Variants in FBXL20 observed in about 807,000 individuals in gnomAD.
FBXL20 encodes F-box/LRR-repeat protein 20.
In FBXL20, 11 loss-of-function variants were observed where a neutral mutation model predicts 64.0. That is an observed-to-expected ratio of 0.17 (90% CI 0.11 to 0.28). The LOEUF (loss-of-function observed/expected upper bound fraction) is 0.28. FBXL20 is among the 10% of genes least tolerant of loss of function. The probability of loss-of-function intolerance (pLI) is 1.00; values close to 1 mark genes in which losing one functional copy is unlikely to be tolerated. For missense variants in FBXL20, 303 were observed against 526.2 expected, an observed-to-expected ratio of 0.58 and a Z score of 4.15; for synonymous variants, 184 against 189.0, an observed-to-expected ratio of 0.97 and a Z score of 0.22.
intron 1 of FBXL20, among the ~76,000 whole-genome samples, chr17:39,391,848 A>G (rs914851901): frequency 8.6e-5 from 12 of 140,124 alleles, no homozygotes; most frequent in Admixed American, 2.1e-4. Flanking sequence ...TCTAAAAAGG[A>G]AAAAAAAAAA....
At chr17:39,327,898 G>A (rs1597799946) in intron 2 of FBXL20, among the ~76,000 whole-genome samples, 2 of 152,148 alleles carry the variant, frequency 1.3e-5, no homozygotes, top group East Asian at 3.9e-4. Context: ...TCTGTCTTAT[G>A]AGAAAGTCTA....
chr17:39,381,479 C>CAAA (rs35767863), intron 1 of FBXL20, among the ~76,000 whole-genome samples: 6 of 67,790 alleles, frequency 8.9e-5, no homozygotes, highest in African/African-American at 1.5e-4. Flanking sequence ...GACTCTGTCT[C>CAAA]AAAAAAAAAA....
At chr17:39,380,244 C>T (rs1399876183) in intron 1 of FBXL20, among the ~76,000 whole-genome samples, 1 of 152,124 alleles carries the variant, frequency 6.6e-6, no homozygotes, top group Non-Finnish European at 1.5e-5. Flanking sequence ...GAATGTATGG[C>T]TTACTTTGTA....
chr17:39,396,371 G>C (rs886640492), intron 1 of FBXL20, among the ~76,000 whole-genome samples: 2 of 151,966 alleles, frequency 1.3e-5, no homozygotes, highest in African/African-American at 2.4e-5. Context: ...TGAGATGGGT[G>C]TATCACCTGA....
intron 6 of FBXL20, among the ~76,000 whole-genome samples, chr17:39,290,026 A>T (rs1409342829): frequency 3.3e-5 from 5 of 149,280 alleles, no homozygotes; most frequent in East Asian, 3.9e-4. Context: ...AAAAAAAAAA[A>T]AATTCTATGT....
chr17:39,276,599 G>A (rs1425035497), intron 9 of FBXL20, among the ~76,000 whole-genome samples: 1 of 152,048 alleles, frequency 6.6e-6, no homozygotes, highest in African/African-American at 2.4e-5. Context: ...AACCTGGGAG[G>A]TGGAGGTTGC....
intron 1 of FBXL20, among the ~76,000 whole-genome samples, chr17:39,347,157 G>A (rs2047641623): frequency 6.6e-6 from 1 of 152,174 alleles, no homozygotes. Context: ...ACATACATGT[G>A]CATGTGTCTT....
chr17:39,310,703 AG>A (rs1328473029), intron 2 of FBXL20, among the ~76,000 whole-genome samples: 7 of 151,702 alleles, frequency 4.6e-5, no homozygotes, highest in Admixed American at 2.0e-4. Flanking sequence ...CACAAAAATT[AG>A]GCTGGGCTTG....
At chr17:39,349,551 G>T (rs907821592) in intron 1 of FBXL20, among the ~76,000 whole-genome samples, 1 of 150,892 alleles carries the variant, frequency 6.6e-6, no homozygotes, top group Admixed American at 6.6e-5. Context: ...TTACACCACT[G>T]TACTCCAGCC....
At chr17:39,394,160 T>C (rs1412924271) in intron 1 of FBXL20, among the ~76,000 whole-genome samples, 2 of 152,178 alleles carry the variant, frequency 1.3e-5, no homozygotes, top group Non-Finnish European at 2.9e-5. Flanking sequence ...TTGGTCACTT[T>C]AAGGGCTTTC....
chr17:39,265,411 G>C lies in FBXL20; in HGVS notation c.976C>G (p.Arg326Gly). 1.2e-6 allele frequency: 2 copies of C among 1,610,836 alleles called. No individual in the cohort carries two copies. The highest frequency in any genetic ancestry group is 1.7e-6 in the Non-Finnish European group (2 of 1,177,564). The stretch of plus-strand genomic sequence containing the variant: ...GTTAAACTCACCAATACTTGAAGTC[G>C]AGGACAGTGTATAGAAAGTTGGATT... ...TLIQLSIHCP[R>G]LQVLSLSHCE... Residue 326 changes from arginine (R) to glycine (G), a missense_variant, in exon 13 of 15, where the codon CGA becomes GGA. By Grantham distance (125) the Arg-to-Gly change is moderately radical (BLOSUM62 -2). Coordinates refer to ENST00000264658, the MANE Select transcript of FBXL20 (RefSeq NM_032875.3).
At chr17:39,349,477 C>T (rs1203717895) in intron 1 of FBXL20, among the ~76,000 whole-genome samples, 3 of 151,610 alleles carry the variant, frequency 2.0e-5, no homozygotes, top group Admixed American at 6.6e-5. Flanking sequence ...AATCCCGGCA[C>T]CTTGGAAGGT....
chr17:39,342,159 C>T (rs2047588906), intron 2 of FBXL20, among the ~76,000 whole-genome samples: 1 of 152,042 alleles, frequency 6.6e-6, no homozygotes, highest in South Asian at 2.1e-4. Context: ...TTTTGAGTTT[C>T]ATGGTGAAAA....
At chr17:39,263,389 G>A (rs779100595) in intron 14 of FBXL20, among the ~76,000 whole-genome samples, 6 of 152,066 alleles carry the variant, frequency 3.9e-5, no homozygotes, top group African/African-American at 1.2e-4. Flanking sequence ...GATGGCACAC[G>A]CCTGTAGTCT....
chr17:39,283,188 A>C (rs904904553), intron 7 of FBXL20, among the ~76,000 whole-genome samples: 1 of 152,224 alleles, frequency 6.6e-6, no homozygotes, highest in African/African-American at 2.4e-5. Flanking sequence ...TTTACAGAGT[A>C]ATTAATAAAG....
At chr17:39,316,104 C>A (rs954956458) in intron 2 of FBXL20, among the ~76,000 whole-genome samples, 4 of 151,838 alleles carry the variant, frequency 2.6e-5, no homozygotes, top group African/African-American at 9.7e-5. Context: ...AAAACATGAA[C>A]CACAACAGAA....
intron 10 of FBXL20, 29 bp downstream of exon 10, chr17:39,274,940 AT>A: frequency 1.9e-6 from 3 of 1,610,942 alleles, no homozygotes; most frequent in Admixed American, 1.7e-5. Flanking sequence ...TTGTTCTATG[AT>A]TTTTTTGAGC....
intron 1 of FBXL20, among the ~76,000 whole-genome samples, chr17:39,345,790 C>G (rs2047627447): frequency 6.6e-6 from 1 of 152,154 alleles, no homozygotes; most frequent in Admixed American, 6.6e-5. Flanking sequence ...ATCCTCCCAA[C>G]TCAGTGTCCC....
chr17:39,316,981 T>C (rs1460042602), intron 2 of FBXL20, among the ~76,000 whole-genome samples: 1 of 152,192 alleles, frequency 6.6e-6, no homozygotes, highest in African/African-American at 2.4e-5. Context: ...AGAGTGAGAC[T>C]CCATCTCATT....
Sources: allele counts gnomAD v4.1 joint callset (sites outside exome capture counted in the v4.1 genomes callset), GRCh38; gene constraint gnomAD v4.1.1; transcripts MANE v1.5; gene names NCBI Gene and HGNC (gene_info 2026-07-23, HGNC 2026-07-21).